Variants in GLIS3 observed in about 807,000 individuals in gnomAD.
GLIS3 encodes zinc finger protein GLIS3.
In GLIS3, 53 loss-of-function variants were observed where a neutral mutation model predicts 78.6. The ratio of observed to expected loss-of-function variants is 0.67; its 90% CI spans 0.54 to 0.85. The LOEUF (loss-of-function observed/expected upper bound fraction) is 0.85, where lower values mean the gene tolerates loss of function less well. Ranked by LOEUF, GLIS3 falls within the 40% of genes least tolerant of loss-of-function variation. GLIS3 has a pLI of 0.00. For missense variants in GLIS3, 1,703 were observed against 1,231.1 expected, an observed-to-expected ratio of 1.38 and a Z score of -5.74; for synonymous variants, 684 against 509.9, an observed-to-expected ratio of 1.34 and a Z score of -4.60.
intron 9 of GLIS3, among the ~76,000 whole-genome samples, chr9:3,834,481 T>C (rs1257776332): frequency 1.3e-5 from 2 of 152,172 alleles, no homozygotes; most frequent in Non-Finnish European, 2.9e-5. Context: ...TTTTATTGAA[T>C]TTTAATTAAT....
intron 2 of GLIS3, among the ~76,000 whole-genome samples, chr9:4,317,752 T>C (rs1053970216): frequency 6.6e-6 from 1 of 152,190 alleles, no homozygotes; most frequent in Non-Finnish European, 1.5e-5. Flanking sequence ...GAAACATTCA[T>C]GAAGCTCAGA....
chr9:3,882,998 T>G (rs889362228), intron 7 of GLIS3, among the ~76,000 whole-genome samples: 1 of 152,186 alleles, frequency 6.6e-6, no homozygotes, highest in Non-Finnish European at 1.5e-5. Flanking sequence ...ACGTTGCTTG[T>G]GACCAAGATG....
At chr9:3,951,809 A>G (rs995363309) in intron 4 of GLIS3, among the ~76,000 whole-genome samples, 4 of 148,042 alleles carry the variant, frequency 2.7e-5, no homozygotes, top group Non-Finnish European at 1.5e-5. Flanking sequence ...TCAACAGGGA[A>G]AAGAGGAGAG....
intron 2 of GLIS3, among the ~76,000 whole-genome samples, chr9:4,280,272 C>T (rs537876091): frequency 9.8e-5 from 15 of 152,356 alleles, no homozygotes; most frequent in South Asian, 2.1e-4. Flanking sequence ...ATCCGCCCAC[C>T]GTGGCATCCC....
chr9:4,024,037 A>AC (rs970510689), intron 4 of GLIS3, among the ~76,000 whole-genome samples: 9 of 130,490 alleles, frequency 6.9e-5, no homozygotes, highest in South Asian at 2.2e-4. Flanking sequence ...AAAAAAAACA[A>AC]AAAAAAAAAT....
intron 4 of GLIS3, among the ~76,000 whole-genome samples, chr9:4,086,843 G>A (rs1829072621): frequency 6.6e-6 from 1 of 152,118 alleles, no homozygotes; most frequent in Non-Finnish European, 1.5e-5. Flanking sequence ...TTCCCCTCAA[G>A]TCCCACAGAG....
At chr9:4,302,997 G>C (rs1306194515), upstream of GLIS3, among the ~76,000 whole-genome samples, 2 of 152,156 alleles carry the variant, frequency 1.3e-5, no homozygotes, top group African/African-American at 4.8e-5. Context: ...ATAGCAAGCA[G>C]CTCACTCAAA....
At chr9:4,280,315 C>G (rs1401722572) in intron 2 of GLIS3, among the ~76,000 whole-genome samples, 1 of 152,182 alleles carries the variant, frequency 6.6e-6, no homozygotes, top group African/African-American at 2.4e-5. Context: ...GAGCCACATG[C>G]CAGCCTGGGC....
At chr9:3,865,361 C>T (rs1056871890) in intron 8 of GLIS3, among the ~76,000 whole-genome samples, 2 of 152,192 alleles carry the variant, frequency 1.3e-5, no homozygotes, top group Admixed American at 6.5e-5. Flanking sequence ...ATTTCTAGAT[C>T]GCGCCTTTAA....
chr9:4,284,805 C>G (rs763941911), intron 2 of GLIS3, among the ~76,000 whole-genome samples: 12 of 151,958 alleles, frequency 7.9e-5, no homozygotes, highest in Non-Finnish European at 1.2e-4. Context: ...GTGGTCCCAG[C>G]TACTTGGGGG....
intron 2 of GLIS3, among the ~76,000 whole-genome samples, chr9:4,208,989 C>T (rs909241671): frequency 6.6e-6 from 1 of 152,226 alleles, no homozygotes; most frequent in African/African-American, 2.4e-5. Context: ...CTTGAGAACA[C>T]TTCCCATAAA....
chr9:4,038,754 T>C (rs911453099), intron 4 of GLIS3, among the ~76,000 whole-genome samples: 3 of 152,230 alleles, frequency 2.0e-5, no homozygotes, highest in Admixed American at 6.5e-5. Context: ...CTTCAAAGTT[T>C]ACATCTGTAC....
chr9:4,224,383 A>G (rs943791623), intron 2 of GLIS3, among the ~76,000 whole-genome samples: 7 of 152,198 alleles, frequency 4.6e-5, no homozygotes, highest in African/African-American at 1.4e-4. Flanking sequence ...ACAGCTTCCA[A>G]AGGTGTATGA....
the GLIS3 span, among the ~76,000 whole-genome samples, chr9:4,426,142 T>C: frequency 5.3e-5 from 8 of 152,178 alleles, no homozygotes; most frequent in African/African-American, 1.9e-4. Flanking sequence ...AGCCTTGCCT[T>C]TGAACTCCAG....
chr9:3,917,098 G>A (rs760271885), intron 6 of GLIS3, among the ~76,000 whole-genome samples: 4 of 152,216 alleles, frequency 2.6e-5, no homozygotes, highest in Non-Finnish European at 4.4e-5. Context: ...ACATTTAAAA[G>A]GCAAAAATGC....
At chr9:4,004,368 G>A (rs997520607) in intron 4 of GLIS3, among the ~76,000 whole-genome samples, 1 of 152,120 alleles carries the variant, frequency 6.6e-6, no homozygotes, top group African/African-American at 2.4e-5. Context: ...GGCCAGGGAA[G>A]GAGTTTAATA....
chr9:3,905,140 A>ATTTTTTTTTTTTTTTT (rs369063136), intron 6 of GLIS3, among the ~76,000 whole-genome samples: 3 of 109,124 alleles, frequency 2.7e-5, no homozygotes, highest in African/African-American at 3.4e-5. Context: ...GCCCGGTTAA[A>ATTTTTTTTTTTTTTTT]TTTTTTTCTT....
rs779407555 is a variant in GLIS3 at position 3,829,406 on chromosome 9, C to G, written c.2560G>C (p.Val854Leu). 3 of 1,614,004 alleles carry G rather than the reference C, an allele frequency of 1.9e-6. No homozygotes were observed. The highest frequency in any genetic ancestry group is 2.5e-6 in the Non-Finnish European group (3 of 1,180,022). Residue 854 changes from valine (V) to leucine (L), a missense_variant, in exon 10 of 11, where the codon GTG becomes CTG. Val to Leu is a conservative substitution (Grantham distance 32, BLOSUM62 1). Transcript: ENST00000381971. ...IVPPVSSCSV[V>L]PSFEDCLVPT... is the part of the protein sequence containing the mutation. ...ACTAGGCAGTCCTCAAACGAAGGCACCACACTGCAGGAGCTGACAGGCGGC... is the reference window on the plus strand; with the variant it reads ...ACTAGGCAGTCCTCAAACGAAGGCAGCACACTGCAGGAGCTGACAGGCGGC...
intron 6 of GLIS3, among the ~76,000 whole-genome samples, chr9:3,911,304 C>A (rs1563841060): frequency 6.6e-6 from 1 of 152,154 alleles, no homozygotes; most frequent in South Asian, 2.1e-4. Context: ...AGATCTTTTT[C>A]CATATGTTAC....
Sources: gnomAD v4.1 joint callset for allele counts (sites outside exome capture counted in the v4.1 genomes callset) on GRCh38, gnomAD v4.1.1 for gene constraint, MANE v1.5 for transcripts, NCBI Gene and HGNC (gene_info 2026-07-23, HGNC 2026-07-21) for gene names.